ADAMTS7: variants seen among roughly 807,000 people sequenced by gnomAD.
ADAMTS7 encodes the protein ADAM metallopeptidase with thrombospondin type 1 motif 7, also known as A disintegrin and metalloproteinase with thrombospondin motifs 7.
Under a neutral mutation model 172.6 loss-of-function variants are expected in ADAMTS7, and 89 were observed. The ratio of observed to expected loss-of-function variants is 0.52; its 90% confidence interval spans 0.43 to 0.61. ADAMTS7 has a LOEUF of 0.61. Among genes scored for constraint, ADAMTS7 ranks in the 20% least tolerant of loss-of-function variants. ADAMTS7 has a pLI of 0.00. For missense variants in ADAMTS7, 1,973 were observed against 2,355.6 expected, an observed-to-expected ratio of 0.84 and a Z score of 3.36; for synonymous variants, 885 against 978.4, an observed-to-expected ratio of 0.90 and a Z score of 1.78.
chr15:78,806,121 CACACACAAAAAAAAAAA>C (rs1289877947), intron 1 of ADAMTS7, among the ~76,000 whole-genome samples: 21 of 22,638 alleles, frequency 9.3e-4, no homozygotes, highest in Admixed American at 3.4e-3. Flanking sequence ...CACACACACA[CACACACAAAAAAAAAAA>C]AAAAAAAAAA....
At chr15:78,799,425 AG>A (rs1184513534) in intron 2 of ADAMTS7, among the ~76,000 whole-genome samples, 2 of 129,550 alleles carry the variant, frequency 1.5e-5, no homozygotes, top group African/African-American at 5.1e-5. Context: ...GGGCTGCAGT[AG>A]CCAGCACCAC....
Position 78,790,797 on chromosome 15 carries a change from G to A in ADAMTS7, c.904-3C>T, listed in dbSNP as rs1386114882. On this transcript the variant is annotated splice_polypyrimidine_tract_variant and splice_region_variant and intron_variant, in intron 5 of 23. Transcript: ENST00000388820. Reference sequence around the variant, plus strand: ...TGGTGCGTGATCTTTAGGTCCTCCTGGGGGCAGAGAGAGTGACTGCTCATG... The same window carrying A: ...TGGTGCGTGATCTTTAGGTCCTCCTAGGGGCAGAGAGAGTGACTGCTCATG... 8 of 1,613,198 alleles carry A rather than the reference G, an allele frequency of 5.0e-6. No individual in the cohort carries two copies. Among genetic ancestry groups the A allele is most frequent in the African/African-American group, 1.3e-5 (1 of 74,906 alleles).
chr15:78,791,029 C>T, intron 5 of ADAMTS7, 111 bp downstream of exon 5: 1 of 1,363,900 alleles, frequency 7.3e-7, no homozygotes, highest in Non-Finnish European at 1.0e-6. Context: ...CGGTCCAGGC[C>T]AAGGCGGCCT....
chr15:78,769,488 A>C (rs1809410), intron 16 of ADAMTS7, among the ~76,000 whole-genome samples: 152,165 of 152,324 alleles, frequency 1, 76,003 homozygotes, highest in Non-Finnish European at 1. Context: ...GGGACACAGT[A>C]CTGGCTCGGG....
chr15:78,811,165 A>T lies in ADAMTS7; in HGVS notation c.56T>A (p.Leu19Gln). 1 of 1,229,974 alleles carries T rather than the reference A, an allele frequency of 8.1e-7. No homozygotes were observed. Among genetic ancestry groups the T allele is most frequent in the Non-Finnish European group, 1.0e-6 (1 of 986,694 alleles). The allele number at this position is 1,229,974 out of a possible 1,614,324, so 76.2% of individuals were successfully genotyped here. Reference sequence around the variant, plus strand: ...GCCGGGAGCCAGAGCGCAGAGGAGCAGGAGGAGGGGGCGCAGCAAAGGCGC... The same window carrying T: ...GCCGGGAGCCAGAGCGCAGAGGAGCTGGAGGAGGGGGCGCAGCAAAGGCGC... ...SPAPLLRPLL[L>Q]LLCALAPGAP... The change falls in exon 1 of 24, where the codon CTG becomes CAG. Residue 19 changes from leucine to glutamine, a missense_variant. This residue lies in a region of ADAMTS7 where 306 missense variants were observed against 288.0 expected (regional missense o/e 1.06). Transcript: ENST00000388820.
At chr15:78,764,474 G>A (rs1277570011) in intron 20 of ADAMTS7, 81 bp downstream of exon 20, 8 of 1,467,614 alleles carry the variant, frequency 5.5e-6, no homozygotes, top group South Asian at 1.3e-5. Flanking sequence ...CTTCCCTGCC[G>A]CTCTCAGAAC....
intron 4 of ADAMTS7, 24 bp downstream of exon 4, chr15:78,796,555 TCCCCGCCACCC>T: frequency 1.8e-6 from 2 of 1,135,444 alleles, no homozygotes; most frequent in Non-Finnish European, 1.3e-6. Flanking sequence ...CCCAACACCA[TCCCCGCCACCC>T]GCTCCTGGCC....
rs1253029174 is a variant in ADAMTS7 at position 78,759,329 on chromosome 15, G to T, written c.*92C>A. 3.7e-6 allele frequency: 5 copies of T among 1,335,636 alleles called. No individual in the cohort carries two copies. In the African/African-American group the frequency reaches 5.9e-5, roughly 16 times the overall value. The allele number at this position is 1,335,636 out of a possible 1,614,324, so 82.7% of individuals were successfully genotyped here. ...GCCTGCTGCTGGGTAGTGAGAGGGG[G>T]TTAGCACCATTAGGGCGCAGGGGGC... On this transcript the variant is annotated 3_prime_UTR_variant, in exon 24 of 24. Transcript: ENST00000388820.
chr15:78,761,828 A>G (rs2055048683), intron 23 of ADAMTS7: 1 of 985,038 alleles, frequency 1.0e-6, no homozygotes, highest in Non-Finnish European at 1.2e-6. Flanking sequence ...AGGCCCTTCC[A>G]CCAGGACCCA....
intron 23 of ADAMTS7, among the ~76,000 whole-genome samples, chr15:78,760,822 C>T (rs951289702): frequency 6.6e-6 from 1 of 152,130 alleles, no homozygotes; most frequent in Non-Finnish European, 1.5e-5. Context: ...GTTCAGCCAC[C>T]TAACCAGCCC....
chr15:78,782,222 G>C (rs962710789), intron 8 of ADAMTS7, among the ~76,000 whole-genome samples: 2 of 152,020 alleles, frequency 1.3e-5, no homozygotes, highest in Non-Finnish European at 2.9e-5. Flanking sequence ...GTAGAGACAG[G>C]GTTTCACCAT....
intron 8 of ADAMTS7, among the ~76,000 whole-genome samples, chr15:78,786,766 C>T (rs1016408236): frequency 6.6e-6 from 1 of 152,134 alleles, no homozygotes; most frequent in Non-Finnish European, 1.5e-5. Flanking sequence ...CTACAAAAGA[C>T]GAATTGTATA....
At chr15:78,786,951 T>C (rs571748016) in intron 8 of ADAMTS7, among the ~76,000 whole-genome samples, 1 of 152,266 alleles carries the variant, frequency 6.6e-6, no homozygotes, top group African/African-American at 2.4e-5. Flanking sequence ...AGGATCCTCT[T>C]CCACTTAATG....
chr15:78,774,826 G>C, intron 11 of ADAMTS7, 33 bp from the exon 12 acceptor site: 1 of 1,555,650 alleles, frequency 6.4e-7, no homozygotes, highest in Middle Eastern at 2.4e-4. Context: ...CCCCAGTGAC[G>C]GCCCAGTGAG....
intron 4 of ADAMTS7, among the ~76,000 whole-genome samples, chr15:78,795,410 G>A (rs2055630372): frequency 1.3e-5 from 2 of 152,250 alleles, no homozygotes; most frequent in African/African-American, 4.8e-5. Flanking sequence ...GCCCAGAGCT[G>A]CACTCACTGA....
Position 78,777,565 on chromosome 15 carries a change from T to A in ADAMTS7, c.1346A>T (p.Asp449Val). The A allele has an allele frequency of 6.2e-7, 1 of 1,606,838 alleles. No individual in the cohort carries two copies. Among genetic ancestry groups the A allele is most frequent in the Non-Finnish European group, 8.5e-7 (1 of 1,176,966 alleles). ...FLDRGWGLCL[D>V]DPPAKDIIDF... is the part of the protein sequence containing the mutation. ...GATAATGTCCTTGGCAGGAGGGTCGTCCAGGCACAGGCCCCACCCACGGCT... is the reference window on the plus strand; with the variant it reads ...GATAATGTCCTTGGCAGGAGGGTCGACCAGGCACAGGCCCCACCCACGGCT... Residue 449 changes from aspartate (D) to valine (V), a missense_variant, in exon 9 of 24, where the codon GAC becomes GTC. Coordinates refer to ENST00000388820, the MANE Select transcript of ADAMTS7 (RefSeq NM_014272.5).
chr15:78,763,811 C>A lies in ADAMTS7; in HGVS notation c.4628G>T (p.Arg1543Leu). ...SEACGGGEQQ[R>L]LVTCPEPGLC... is the part of the protein sequence containing the mutation. ...GCCTGGCTCCGGGCAGGTCACTAGA[C>A]GCTGCTGCTCACCACCGCCACAGGC... The change falls in exon 22 of 24, where the codon CGT (arginine) becomes CTT (leucine). Residue 1543 changes from arginine (R) to leucine (L), a missense_variant. Arg to Leu is a moderately radical substitution (Grantham distance 102). Around this residue, in one of 8 missense-constraint regions of ADAMTS7, gnomAD observed 218 missense variants for 216.9 expected, o/e 1.01. Coordinates refer to ENST00000388820, the MANE Select transcript of ADAMTS7 (RefSeq NM_014272.5). 2.5e-6 allele frequency: 4 copies of A among 1,581,856 alleles called. No homozygotes were observed. Among genetic ancestry groups the A allele is most frequent in the Non-Finnish European group, 1.7e-6 (2 of 1,166,246 alleles).
chr15:78,791,282 G>GCCCCCGGGGCCCCCCC, intron 4 of ADAMTS7, 59 bp from the exon 5 acceptor site: 2 of 1,488,260 alleles, frequency 1.3e-6, no homozygotes, highest in Non-Finnish European at 1.8e-6. Flanking sequence ...AGCAGCCAAT[G>GCCCCCGGGGCCCCCCC]CCCACCCCAA....
rs758055040 is a variant in ADAMTS7, at chr15:78,767,006, A to G, written c.2905T>C (p.Cys969Arg). 5.7e-6 allele frequency: 9 copies of G among 1,590,516 alleles called. No individual in the cohort carries two copies. The highest frequency in any genetic ancestry group is 1.7e-6 in the Non-Finnish European group (2 of 1,169,862). ...CAGGGGACACCGGTGTCATTGGTGCAGAGGACATTTCGGCGCTGAGTGCCC... is the reference window on the plus strand; with the variant it reads ...CAGGGGACACCGGTGTCATTGGTGCGGAGGACATTTCGGCGCTGAGTGCCC... The part of the protein sequence containing the change: ...GEGTQRRNVL[C>R]TNDTGVPCDE... The change falls in exon 19 of 24, where the codon TGC becomes CGC. Residue 969 changes from cysteine to arginine, a missense_variant. Transcript: ENST00000388820.
Sources: gnomAD v4.1 joint callset for allele counts (sites outside exome capture counted in the v4.1 genomes callset) on GRCh38, gnomAD v4.1.1 for gene constraint, gnomAD v4.1.1 regional missense constraint, MANE v1.5 for transcripts, NCBI Gene and HGNC (gene_info 2026-07-23, HGNC 2026-07-21) for gene names.